The following ZNF385B variants were observed in gnomAD, a reference collection of about 807,000 sequenced individuals.
ZNF385B encodes zinc finger protein 533.
ZNF385B carries 23 observed loss-of-function variants against 39.2 expected under a neutral mutation model. The ratio of observed to expected loss-of-function variants is 0.59; its 90% CI spans 0.42 to 0.83. The LOEUF is 0.83. Ranked by LOEUF, ZNF385B falls within the 40% of genes least tolerant of loss-of-function variation. The pLI, the probability that ZNF385B is intolerant of heterozygous loss-of-function variation, is 0.00. For synonymous variants in ZNF385B, 205 were observed against 222.6 expected, an observed-to-expected ratio of 0.92 and a Z score of 0.70; for missense variants, 552 against 598.9, an observed-to-expected ratio of 0.92 and a Z score of 0.82.
At chr2:179,712,827 C>G (rs762312843) in intron 3 of ZNF385B, among the ~76,000 whole-genome samples, 9 of 152,202 alleles carry the variant, frequency 5.9e-5, no homozygotes, top group Non-Finnish European at 1.2e-4. Context: ...CAGTCCTCAA[C>G]TTATAATGGT....
At chr2:179,825,422 G>T (rs565448512) in intron 1 of ZNF385B, among the ~76,000 whole-genome samples, 3 of 152,100 alleles carry the variant, frequency 2.0e-5, no homozygotes, top group Non-Finnish European at 4.4e-5. Context: ...TGGTGGTTTT[G>T]AGCAGTGGTC....
chr2:179,551,579 G>T, intron 3 of ZNF385B, among the ~76,000 whole-genome samples: 1 of 150,948 alleles, frequency 6.6e-6, no homozygotes, highest in Non-Finnish European at 1.5e-5. Context: ...CACCCATATT[G>T]GGTGTAAAAA....
At chr2:179,860,886 G>T (rs1174090300) in intron 1 of ZNF385B, 2 of 202,592 alleles carry the variant, frequency 9.9e-6, no homozygotes, top group Admixed American at 1.2e-4. Flanking sequence ...GCAGGAGTTA[G>T]GATTAGGTCG....
At chr2:179,692,661 T>C (rs1698443630) in intron 3 of ZNF385B, among the ~76,000 whole-genome samples, 2 of 152,238 alleles carry the variant, frequency 1.3e-5, no homozygotes, top group South Asian at 4.1e-4. Flanking sequence ...GCTAAAGTTG[T>C]CTTTCATGCC....
chr2:179,835,060 A>G (rs1158375827), intron 1 of ZNF385B, among the ~76,000 whole-genome samples: 1 of 152,226 alleles, frequency 6.6e-6, no homozygotes, highest in Admixed American at 6.5e-5. Flanking sequence ...AATGAGCTAT[A>G]AAGGACAAAA....
chr2:179,550,569 G>A (rs1194823528), intron 3 of ZNF385B, among the ~76,000 whole-genome samples: 1 of 149,794 alleles, frequency 6.7e-6, no homozygotes, highest in Non-Finnish European at 1.5e-5. Flanking sequence ...GTTAAACACA[G>A]ATTGTTTTAA....
chr2:179,634,802 C>T (rs574080058), intron 3 of ZNF385B, among the ~76,000 whole-genome samples: 1 of 152,162 alleles, frequency 6.6e-6, no homozygotes, highest in East Asian at 1.9e-4. Context: ...TGGAACCAAC[C>T]CAGATGTCCC....
intron 1 of ZNF385B, among the ~76,000 whole-genome samples, chr2:179,831,784 T>C (rs1320511907): frequency 6.6e-6 from 1 of 152,182 alleles, no homozygotes; most frequent in East Asian, 1.9e-4. Flanking sequence ...GAGGCCATTA[T>C]TGTAGTCCAA....
Position 179,763,089 on chromosome 2 carries a change from G to T in ZNF385B, c.298+6414C>A, listed in dbSNP as rs184607785. On this transcript the variant is annotated intron_variant, in intron 3 of 9. Transcript: ENST00000410066. Reference sequence around the variant, plus strand: ...TAGGTAAATTTTTGTATTTTTAATAGAGGTGGAGTTTCACCATGTTGGCCA... The same window carrying T: ...TAGGTAAATTTTTGTATTTTTAATATAGGTGGAGTTTCACCATGTTGGCCA... Among the ~76,000 whole-genome samples the T allele has an allele frequency of 7.2e-5, 11 of 152,240 alleles. No homozygotes were observed. The East Asian group carries it at 2.1e-3, about 29-fold the overall frequency.
At chr2:179,687,871 C>T (rs1698045541) in intron 3 of ZNF385B, among the ~76,000 whole-genome samples, 1 of 152,186 alleles carries the variant, frequency 6.6e-6, no homozygotes, top group African/African-American at 2.4e-5. Flanking sequence ...TGTTCAATTA[C>T]TAGAAGCTAC....
At chr2:179,772,221 T>C (rs1040528556) in intron 1 of ZNF385B, among the ~76,000 whole-genome samples, 14 of 152,194 alleles carry the variant, frequency 9.2e-5, no homozygotes, top group African/African-American at 3.4e-4. Context: ...AAGAAAGATA[T>C]CTTCCATAAA....
intron 5 of ZNF385B, among the ~76,000 whole-genome samples, chr2:179,495,131 C>A (rs1195657216): frequency 6.6e-6 from 1 of 152,096 alleles, no homozygotes; most frequent in Non-Finnish European, 1.5e-5. Context: ...AAGGGGAGCC[C>A]ACTGCCTTTA....
intron 3 of ZNF385B, among the ~76,000 whole-genome samples, chr2:179,584,334 C>T (rs1434317966): frequency 6.6e-6 from 1 of 151,968 alleles, no homozygotes; most frequent in African/African-American, 2.4e-5. Context: ...ACCACCTATC[C>T]TCTCACTCCC....
chr2:179,696,416 C>T (rs1170533688), intron 3 of ZNF385B, among the ~76,000 whole-genome samples: 1 of 137,932 alleles, frequency 7.2e-6, no homozygotes, highest in Non-Finnish European at 1.5e-5. Context: ...TGACCAACTA[C>T]TTTCCACTCT....
At chr2:179,809,983 T>A (rs1370648641) in intron 1 of ZNF385B, among the ~76,000 whole-genome samples, 1 of 151,944 alleles carries the variant, frequency 6.6e-6, no homozygotes, top group Non-Finnish European at 1.5e-5. Context: ...ACCACAAAAA[T>A]AATGAGACCA....
chr2:179,773,680 G>A (rs192578031), intron 1 of ZNF385B, among the ~76,000 whole-genome samples: 1 of 152,210 alleles, frequency 6.6e-6, no homozygotes, highest in East Asian at 1.9e-4. Context: ...GTAGGCAGAG[G>A]GCAAGACGCC....
intron 1 of ZNF385B, among the ~76,000 whole-genome samples, chr2:179,842,867 G>A (rs1203230806): frequency 6.6e-6 from 1 of 152,156 alleles, no homozygotes. Flanking sequence ...TGGGAAACAT[G>A]CTTGGATTTG....
chr2:179,555,468 G>A lies in ZNF385B; in HGVS notation c.299-10499C>T, dbSNP rs139721210. 3.3e-5 allele frequency among the ~76,000 whole-genome samples: 5 copies of A among 149,404 alleles called. No individual in the cohort carries two copies. In the East Asian group the frequency reaches 7.7e-4, roughly 23 times the overall value. On this transcript the variant is annotated intron_variant, in intron 3 of 9. Transcript: ENST00000410066. ...TACATTCATTCAACTGCACACTTAT[G>A]TGCACTTTTCTGTATGTTATAAATG...
chr2:179,760,783 G>A (rs1258445269), intron 3 of ZNF385B, among the ~76,000 whole-genome samples: 1 of 152,160 alleles, frequency 6.6e-6, no homozygotes, highest in Non-Finnish European at 1.5e-5. Context: ...AGCAGAAGAT[G>A]TTGTGAAAAC....
Sources: gnomAD v4.1 joint callset for allele counts (sites outside exome capture counted in the v4.1 genomes callset) on GRCh38, gnomAD v4.1.1 for gene constraint, MANE v1.5 for transcripts, NCBI Gene and HGNC (gene_info 2026-07-23, HGNC 2026-07-21) for gene names.